The following MARS1 variants were observed in gnomAD, a reference collection of about 807,000 sequenced individuals.
MARS1 encodes the protein methionine--tRNA ligase, cytoplasmic.
A neutral mutation model predicts 119.5 loss-of-function variants in MARS1; 80 were observed. The ratio of observed to expected loss-of-function variants is 0.67; its 90% CI spans 0.56 to 0.81. The LOEUF (loss-of-function observed/expected upper bound fraction) is 0.81, where lower values mean the gene tolerates loss of function less well. Ranked by LOEUF, MARS1 falls within the 30% of genes least tolerant of loss-of-function variation. The pLI is 0.00. For synonymous variants in MARS1, 418 were observed against 433.4 expected (o/e 0.96, Z 0.44); for missense variants, 945 against 1,116.5 (o/e 0.85, Z 2.19).
chr12:57,493,747 ATACAT>A (rs1565640965), intron 7 of MARS1, among the ~76,000 whole-genome samples: 126 of 4,184 alleles, frequency 0.03, 23 homozygotes, highest in African/African-American at 0.12. Context: ...TATATATTAT[ATACAT>A]TATATTATAT....
Position 57,489,895 on chromosome 12 carries a change from G to A in MARS1, c.415-1G>A, listed in dbSNP as rs1396441872. ...ATTTTCCTTTTCTATCCCCAACAAA[G>A]GAGACAGAATCTCTAGCCGACATTG... On this transcript the variant is annotated splice_acceptor_variant, in intron 4 of 20. Transcript: ENST00000262027. LOFTEE classifies it high-confidence loss of function. 3 of 1,613,766 alleles carry A rather than the reference G, an allele frequency of 1.9e-6. No homozygotes were observed. The highest frequency in any genetic ancestry group is 2.5e-6 in the Non-Finnish European group (3 of 1,179,702).
intron 7 of MARS1, among the ~76,000 whole-genome samples, chr12:57,493,793 ATATTATATT>A (rs1876355567): frequency 2.7e-3 from 5 of 1,834 alleles, no homozygotes; most frequent in African/African-American, 5.5e-3. Context: ...TATATATTAT[ATATTATATT>A]ATATAATGTA....
Position 57,512,923 on chromosome 12 carries a change from T to C in MARS1, c.1926T>C (p.Asn642=), listed in dbSNP as rs1388005545. 6.2e-7 allele frequency: 1 copy of C among 1,614,216 alleles called. No individual in the cohort carries two copies. Among genetic ancestry groups the C allele is most frequent in the Non-Finnish European group, 8.5e-7 (1 of 1,180,042 alleles). ...AFSWTDLLLK[N]NSELLNNLGN... ...CCTGGACGGACCTGCTGCTGAAGAA[T>C]AATTCTGAGCTGCTTAACAACCTGG... Residue 642 remains asparagine, a synonymous_variant, in exon 15 of 21, where the codon AAT becomes AAC. Transcript: ENST00000262027.
At chr12:57,508,056 G>A (rs967072915) in intron 11 of MARS1, among the ~76,000 whole-genome samples, 10 of 151,710 alleles carry the variant, frequency 6.6e-5, no homozygotes, top group African/African-American at 2.4e-4. Flanking sequence ...CCACATCTCA[G>A]ACGATGGGCA....
Position 57,516,645 on chromosome 12 carries a change from T to C in MARS1, c.*64T>C. The C allele has an allele frequency of 6.5e-7, 1 of 1,527,202 alleles. No individual in the cohort carries two copies. The highest frequency in any genetic ancestry group is 8.8e-7 in the Non-Finnish European group (1 of 1,141,154). The allele number at this position is 1,527,202 out of a possible 1,614,324, so 94.6% of individuals were successfully genotyped here. A position where few individuals can be genotyped will look rare whatever the true frequency, so the allele number is the denominator to read the frequency against. On this transcript the variant is annotated 3_prime_UTR_variant, in exon 21 of 21. Coordinates refer to ENST00000262027, the MANE Select transcript of MARS1 (RefSeq NM_004990.4). ...GACAGTAATAAATAAATGTACAATC[T>C]CTATATACAAGCTGAGACCTTTCCT... is the stretch of plus-strand genomic sequence containing the variant.
In MARS1 at chr12:57,515,137, T is replaced by A; in HGVS notation, c.2205-13T>A. On this transcript the variant is annotated splice_polypyrimidine_tract_variant and intron_variant, in intron 17 of 20. Coordinates refer to ENST00000262027, the MANE Select transcript of MARS1 (RefSeq NM_004990.4). ...CCTCCTGGAGGTCTTGACTAATGTCTCCTCTTCCTCAGGCAACGGGCAGGA... is the reference window on the plus strand; with the variant it reads ...CCTCCTGGAGGTCTTGACTAATGTCACCTCTTCCTCAGGCAACGGGCAGGA... 1 of 1,614,176 alleles carries A rather than the reference T, an allele frequency of 6.2e-7. No individual in the cohort carries two copies. The highest frequency in any genetic ancestry group is 2.2e-5 in the East Asian group (1 of 44,890).
intron 7 of MARS1, among the ~76,000 whole-genome samples, chr12:57,490,875 C>CT (rs34238800): frequency 0.097 from 9,761 of 101,050 alleles, 789 homozygotes; most frequent in Middle Eastern, 0.17. Context: ...CTTGTCTATC[C>CT]TTTTTTTTTT....
At position 57,515,959 on chromosome 12, in the gene MARS1, G is replaced by T; in HGVS notation, c.2431G>T (p.Glu811Ter). 6.2e-7 allele frequency: 1 copy of T among 1,614,144 alleles called. No homozygotes were observed. The highest frequency in any genetic ancestry group is 8.5e-7 in the Non-Finnish European group (1 of 1,180,006). The change falls in exon 19 of 21, where the codon GAA becomes TAA. Residue 811 changes from glutamate (E) to a stop codon, truncating the protein, a stop_gained. Transcript: ENST00000262027. LOFTEE classifies it high-confidence loss of function. The part of the protein sequence containing the change: ...LFQKLENDQI[E>*]SLRQRFGGGQ... ...CCAAAAATTGGAAAATGACCAGATT[G>T]AAAGTTTAAGGCAGCGCTTTGGAGG...
intron 10 of MARS1, among the ~76,000 whole-genome samples, chr12:57,501,421 A>G (rs1260704910): frequency 1.3e-5 from 2 of 152,254 alleles, no homozygotes; most frequent in Admixed American, 6.5e-5. Flanking sequence ...TTGGTGGCTC[A>G]TACCTATAAT....
At chr12:57,493,732 T>C (rs796754883) in intron 7 of MARS1, among the ~76,000 whole-genome samples, 12 of 8,248 alleles carry the variant, frequency 1.5e-3, no homozygotes, top group Non-Finnish European at 1.6e-3. Flanking sequence ...TATTATATTA[T>C]ATAATATATA....
intron 15 of MARS1, among the ~76,000 whole-genome samples, 155 bp from the exon 16 acceptor site, chr12:57,514,565 C>A (rs1877682542): frequency 6.6e-6 from 1 of 152,154 alleles, no homozygotes; most frequent in African/African-American, 2.4e-5. Flanking sequence ...ATAATTAGGC[C>A]TTGTCTACTA....
intron 11 of MARS1, among the ~76,000 whole-genome samples, chr12:57,506,034 G>A (rs1300060462): frequency 1.3e-5 from 2 of 152,066 alleles, no homozygotes; most frequent in Non-Finnish European, 2.9e-5. Flanking sequence ...TAGGTGGGCC[G>A]ATGACTTGAG....
intron 18 of MARS1, 61 bp downstream of exon 18, chr12:57,515,397 G>A: frequency 1.3e-6 from 2 of 1,515,032 alleles, no homozygotes; most frequent in Non-Finnish European, 1.8e-6. Flanking sequence ...TTTTGGAGTG[G>A]GTGAGAGAAG....
chr12:57,514,319 G>A (rs954460535), intron 15 of MARS1, among the ~76,000 whole-genome samples: 3 of 151,672 alleles, frequency 2.0e-5, no homozygotes, highest in Admixed American at 6.6e-5. Flanking sequence ...CACCACGCCC[G>A]GCTAATTTTT....
chr12:57,512,567 G>T (rs1877573284), intron 14 of MARS1, 184 bp from the exon 15 acceptor site: 1 of 645,394 alleles, frequency 1.5e-6, no homozygotes, highest in Non-Finnish European at 2.7e-6. Context: ...TAAGCAAAGA[G>T]AAAAAAGGGC....
intron 7 of MARS1, among the ~76,000 whole-genome samples, chr12:57,491,599 T>C (rs1399684128): frequency 1.3e-5 from 2 of 152,204 alleles, no homozygotes; most frequent in Non-Finnish European, 2.9e-5. Context: ...CCTGACACTC[T>C]GTACTCCACA....
In MARS1 at chr12:57,489,226, G is replaced by A. The variant is rs185928589; in HGVS notation, c.201-41G>A. The stretch of plus-strand genomic sequence containing the variant: ...GTGTGATGAGAAATGGGCTAAATGG[G>A]CCCCTCTAAGTCCATCATCTGTTGC... On this transcript the variant is annotated intron_variant, in intron 2 of 20. Coordinates refer to ENST00000262027, the MANE Select transcript of MARS1 (RefSeq NM_004990.4). 3.1e-6 allele frequency: 5 copies of A among 1,607,356 alleles called. No homozygotes were observed. The African/African-American group carries it at 5.3e-5, about 17-fold the overall frequency.
chr12:57,494,453 G>A (rs560549231), intron 7 of MARS1, among the ~76,000 whole-genome samples: 7 of 141,372 alleles, frequency 5.0e-5, no homozygotes, highest in African/African-American at 1.6e-4. Context: ...TCAGCCTCCT[G>A]AGTAGCTGGG....
rs1877848479 is a variant in MARS1, at chr12:57,516,546, C to A, written c.2668C>A (p.Pro890Thr). 2 of 1,595,334 alleles carry A rather than the reference C, an allele frequency of 1.3e-6. No homozygotes were observed. The highest frequency in any genetic ancestry group is 1.7e-4 in the Middle Eastern group (1 of 5,960). ...KKQLAVAEGK[P>T]PEAPKGKKKK ...ACAGTTGGCTGTAGCTGAGGGGAAA[C>A]CCCCTGAAGCCCCTAAAGGCAAGAA... Residue 890 changes from proline to threonine, a missense_variant, in exon 21 of 21, where the codon CCC becomes ACC. Coordinates refer to ENST00000262027, the MANE Select transcript of MARS1 (RefSeq NM_004990.4).
Sources: gnomAD v4.1 joint callset for allele counts (sites outside exome capture counted in the v4.1 genomes callset) on GRCh38, gnomAD v4.1.1 for gene constraint, MANE v1.5 for transcripts, NCBI Gene and HGNC (gene_info 2026-07-23, HGNC 2026-07-21) for gene names.